ACBD6: variants seen among roughly 807,000 people sequenced by gnomAD.
ACBD6 encodes the protein acyl-CoA-binding domain-containing protein 6.
A neutral mutation model predicts 37.2 loss-of-function variants in ACBD6; 28 were observed. The observed-to-expected ratio is 0.75, with a 90% CI of 0.56 to 1.03. The LOEUF is 1.03. Ranked by LOEUF, ACBD6 falls within the 50% of genes least tolerant of loss-of-function variation. The pLI is 0.00. For missense variants in ACBD6, 340 were observed against 337.4 expected (o/e 1.01, Z -0.06); for synonymous variants, 113 against 126.8 (o/e 0.89, Z 0.73).
At chr1:180,374,582 C>CCTGACTTTTG (rs71118453) in intron 6 of ACBD6, among the ~76,000 whole-genome samples, 8 of 151,644 alleles carry the variant, frequency 5.3e-5, no homozygotes, top group Non-Finnish European at 8.9e-5. Flanking sequence ...TGTTTTCACA[C>CCTGACTTTTG]CTGACCTGCC....
intron 7 of ACBD6, among the ~76,000 whole-genome samples, chr1:180,306,008 A>G (rs1321087435): frequency 6.6e-6 from 1 of 150,950 alleles, no homozygotes; most frequent in African/African-American, 2.4e-5. Context: ...ACAAAAAACC[A>G]AACACCGCAT....
intron 6 of ACBD6, among the ~76,000 whole-genome samples, chr1:180,336,388 T>C (rs1463861928): frequency 1.3e-5 from 2 of 150,892 alleles, no homozygotes; most frequent in East Asian, 1.9e-4. Context: ...ACATGGAAAC[T>C]GAACAACCTG....
At chr1:180,296,290 G>A (rs1571328217) in intron 7 of ACBD6, among the ~76,000 whole-genome samples, 1 of 152,186 alleles carries the variant, frequency 6.6e-6, no homozygotes, top group South Asian at 2.1e-4. Context: ...GACTCATGAG[G>A]TTGAAGGAAA....
At chr1:180,437,273 T>C (rs761902776) in intron 3 of ACBD6, among the ~76,000 whole-genome samples, 5 of 152,068 alleles carry the variant, frequency 3.3e-5, no homozygotes, top group Admixed American at 6.5e-5. Context: ...TTGAAGCCAG[T>C]TGGTAAGAAA....
intron 7 of ACBD6, among the ~76,000 whole-genome samples, chr1:180,304,739 T>C (rs1308939030): frequency 1.3e-5 from 2 of 150,688 alleles, no homozygotes; most frequent in Non-Finnish European, 3.0e-5. Context: ...CCTCACAGAA[T>C]TGGAAAAAAC....
At chr1:180,319,740 TA>T (rs966637532) in intron 6 of ACBD6, among the ~76,000 whole-genome samples, 48 of 152,184 alleles carry the variant, frequency 3.2e-4, no homozygotes, top group Non-Finnish European at 5.1e-4. Context: ...CTCCTACAAA[TA>T]AATGAGAATA....
intron 2 of ACBD6, 29 bp downstream of exon 2, chr1:180,495,432 C>T (rs745947205): frequency 1.3e-6 from 2 of 1,534,622 alleles, no homozygotes; most frequent in Admixed American, 1.8e-5. Flanking sequence ...TTTCCAACAA[C>T]CTCATTAAAG....
intron 4 of ACBD6, among the ~76,000 whole-genome samples, chr1:180,417,446 T>A (rs1379592032): frequency 6.6e-6 from 1 of 152,212 alleles, no homozygotes; most frequent in Non-Finnish European, 1.5e-5. Flanking sequence ...TCATGAGGTC[T>A]CATTAGGACC....
intron 5 of ACBD6, among the ~76,000 whole-genome samples, chr1:180,412,231 T>C (rs1412810564): frequency 1.3e-5 from 2 of 152,188 alleles, no homozygotes; most frequent in Non-Finnish European, 2.9e-5. Context: ...CTTTGTGCAG[T>C]ATCATAGTCT....
chr1:180,294,701 GT>G (rs557914420), intron 7 of ACBD6, among the ~76,000 whole-genome samples: 81 of 143,066 alleles, frequency 5.7e-4, no homozygotes, highest in Middle Eastern at 3.5e-3. Flanking sequence ...TTTGCCTTTT[GT>G]TTTTTTTTTT....
intron 4 of ACBD6, among the ~76,000 whole-genome samples, chr1:180,424,450 G>C (rs1052856462): frequency 6.6e-6 from 1 of 152,032 alleles, no homozygotes; most frequent in African/African-American, 2.4e-5. Context: ...AGAACTTCAA[G>C]GAAAAAAATA....
At chr1:180,496,692 T>C (rs1407659814) in intron 1 of ACBD6, among the ~76,000 whole-genome samples, 1 of 152,186 alleles carries the variant, frequency 6.6e-6, no homozygotes, top group African/African-American at 2.4e-5. Context: ...ACCACCTCTA[T>C]CATTTGCTTA....
chr1:180,369,671 T>C (rs1653182075), intron 6 of ACBD6, among the ~76,000 whole-genome samples: 2 of 152,200 alleles, frequency 1.3e-5, no homozygotes, highest in South Asian at 2.1e-4. Context: ...CAAGTAACAG[T>C]TGCATGAAAC....
intron 3 of ACBD6, among the ~76,000 whole-genome samples, chr1:180,470,673 A>T (rs974212807): frequency 6.6e-6 from 1 of 152,200 alleles, no homozygotes; most frequent in African/African-American, 2.4e-5. Flanking sequence ...TTGACAAGGA[A>T]CTCTAGAATA....
At chr1:180,443,773 C>A (rs1183879333) in intron 3 of ACBD6, among the ~76,000 whole-genome samples, 4 of 118,298 alleles carry the variant, frequency 3.4e-5, no homozygotes, top group Admixed American at 1.1e-4. Flanking sequence ...CCACCACGCC[C>A]AGCTAATTTT....
intron 6 of ACBD6, among the ~76,000 whole-genome samples, chr1:180,322,872 TTTTA>T (rs1251918352): frequency 4.0e-5 from 6 of 151,682 alleles, no homozygotes; most frequent in East Asian, 1.9e-4. Context: ...CTGATTTTTA[TTTTA>T]TTTATTATTT....
At chr1:180,347,528 A>G (rs1020558590) in intron 6 of ACBD6, among the ~76,000 whole-genome samples, 1 of 152,038 alleles carries the variant, frequency 6.6e-6, no homozygotes, top group African/African-American at 2.4e-5. Context: ...CATCATGGCC[A>G]GCTAATTTAG....
chr1:180,500,129 A>C (rs914772273), intron 1 of ACBD6, among the ~76,000 whole-genome samples: 16 of 145,246 alleles, frequency 1.1e-4, no homozygotes, highest in African/African-American at 3.2e-4. Flanking sequence ...AAACTTTTTT[A>C]GTTAAAAAAA....
At chr1:180,441,800 T>C (rs1033366414) in intron 3 of ACBD6, among the ~76,000 whole-genome samples, 3 of 152,248 alleles carry the variant, frequency 2.0e-5, no homozygotes, top group Admixed American at 2.0e-4. Context: ...CTGGATTTTC[T>C]ATATACTGTG....
Sources: gnomAD v4.1 joint callset for allele counts (sites outside exome capture counted in the v4.1 genomes callset) on GRCh38, gnomAD v4.1.1 for gene constraint, MANE v1.5 for transcripts, NCBI Gene and HGNC (gene_info 2026-07-23, HGNC 2026-07-21) for gene names.